Variants in PLCL2 observed in about 807,000 individuals in gnomAD.
The protein encoded by PLCL2 is inactive phospholipase C-like protein 2.
Under a neutral mutation model 79.6 loss-of-function variants are expected in PLCL2, and 4 were observed. That is an observed-to-expected ratio of 0.05 (90% CI 0.02 to 0.11). The LOEUF is 0.11. Among genes scored for constraint, PLCL2 ranks in the 10% least tolerant of loss-of-function variants. PLCL2 has a pLI of 1.00. For missense variants in PLCL2, 895 were observed against 1,291.0 expected, an observed-to-expected ratio of 0.69 and a Z score of 4.70; for synonymous variants, 484 against 457.7, an observed-to-expected ratio of 1.06 and a Z score of -0.73.
chr3:17,087,248 A>C (rs1235493710), intron 5 of PLCL2, among the ~76,000 whole-genome samples: 1 of 152,254 alleles, frequency 6.6e-6, no homozygotes, highest in African/African-American at 2.4e-5. Context: ...AAAATTTGGA[A>C]GCAACATAGA....
intron 1 of PLCL2, among the ~76,000 whole-genome samples, chr3:16,895,264 G>A (rs1007347057): frequency 4.6e-5 from 7 of 151,798 alleles, no homozygotes; most frequent in Non-Finnish European, 1.0e-4. Flanking sequence ...TTTTCTTTAT[G>A]GTTATTATTT....
At chr3:16,981,804 A>G (rs993192544) in intron 1 of PLCL2, among the ~76,000 whole-genome samples, 6 of 152,210 alleles carry the variant, frequency 3.9e-5, no homozygotes, top group Non-Finnish European at 7.3e-5. Flanking sequence ...GCTGGGTAGT[A>G]AAAGATGTGT....
intron 1 of PLCL2, among the ~76,000 whole-genome samples, chr3:16,989,017 TTCTC>T (rs60653040): frequency 0.22 from 33,696 of 151,784 alleles, 3,900 homozygotes; most frequent in Admixed American, 0.25. Flanking sequence ...GCTGTTTTTG[TTCTC>T]TCTCTCTCAC....
At chr3:16,919,733 G>T (rs548454990) in intron 1 of PLCL2, among the ~76,000 whole-genome samples, 1 of 152,174 alleles carries the variant, frequency 6.6e-6, no homozygotes, top group Admixed American at 6.5e-5. Context: ...TTTGGAGTCT[G>T]GTTGAGGGGA....
At chr3:16,906,810 TG>T (rs1696762227) in intron 1 of PLCL2, among the ~76,000 whole-genome samples, 2 of 152,232 alleles carry the variant, frequency 1.3e-5, no homozygotes, top group Non-Finnish European at 1.5e-5. Flanking sequence ...GGCAATAATT[TG>T]TGACTAGGAA....
At chr3:17,070,325 A>G (rs891598972) in intron 5 of PLCL2, among the ~76,000 whole-genome samples, 5 of 152,226 alleles carry the variant, frequency 3.3e-5, no homozygotes, top group African/African-American at 1.2e-4. Flanking sequence ...ATATTAATGA[A>G]AAACAGCTGA....
At chr3:16,964,591 C>T (rs1169266627) in intron 1 of PLCL2, among the ~76,000 whole-genome samples, 1 of 152,146 alleles carries the variant, frequency 6.6e-6, no homozygotes, top group Non-Finnish European at 1.5e-5. Flanking sequence ...TGAGGAATCC[C>T]CACACTGTCT....
At chr3:17,019,779 A>C (rs1575590224) in intron 3 of PLCL2, among the ~76,000 whole-genome samples, 1 of 152,218 alleles carries the variant, frequency 6.6e-6, no homozygotes, top group East Asian at 1.9e-4. Flanking sequence ...ATTGTTTATA[A>C]TTTCAGAAAA....
chr3:16,954,175 G>C (rs1465269784), intron 1 of PLCL2, among the ~76,000 whole-genome samples: 4 of 151,936 alleles, frequency 2.6e-5, no homozygotes, highest in East Asian at 3.9e-4. Context: ...ATCCCTCCCC[G>C]CTCCCCCCAG....
intron 1 of PLCL2, among the ~76,000 whole-genome samples, chr3:16,899,825 T>TC (rs1258756646): frequency 7.3e-5 from 11 of 150,026 alleles, no homozygotes; most frequent in Admixed American, 2.0e-4. Flanking sequence ...CATTAAAATA[T>TC]CCCCCCCGCC....
chr3:17,010,903 A>T lies in PLCL2; in HGVS notation c.1557A>T (p.Leu519Phe), dbSNP rs759308467. ...FASEYPLILC[L>F]ENHCSIKQQK... is the part of the protein sequence containing the mutation. ...CAGAGTATCCTCTTATCTTGTGTTT[A>T]GAAAACCACTGTTCCATTAAACAAC... The change falls in exon 2 of 6, where the codon TTA (leucine) becomes TTT (phenylalanine). Residue 519 changes from leucine to phenylalanine, a missense_variant. This residue lies in a region of PLCL2 where 242 missense variants were observed against 399.5 expected (regional missense o/e 0.61). Coordinates refer to ENST00000615277, the MANE Select transcript of PLCL2 (RefSeq NM_001144382.2). The surrounding 1 kb of genome is among the most constrained non-coding windows in gnomAD (Gnocchi z 5.8). 1.2e-6 allele frequency: 2 copies of T among 1,614,148 alleles called. No homozygotes were observed. Among genetic ancestry groups the T allele is most frequent in the East Asian group, 4.5e-5 (2 of 44,874 alleles).
chr3:17,039,873 A>G (rs550874136), intron 3 of PLCL2, among the ~76,000 whole-genome samples: 3 of 152,186 alleles, frequency 2.0e-5, no homozygotes, highest in Non-Finnish European at 4.4e-5. Flanking sequence ...ATTCACTGTC[A>G]TTATCAGCAG....
chr3:16,993,438 C>T (rs1302677633), intron 1 of PLCL2, among the ~76,000 whole-genome samples: 2 of 152,174 alleles, frequency 1.3e-5, no homozygotes, highest in Non-Finnish European at 2.9e-5. Context: ...CAAAGGTCTC[C>T]TCTCTAAGTA....
chr3:16,912,246 T>A (rs1233094762), intron 1 of PLCL2, among the ~76,000 whole-genome samples: 1 of 152,164 alleles, frequency 6.6e-6, no homozygotes, highest in East Asian at 1.9e-4. Context: ...TTTTTTTTTT[T>A]AAATAGCCAA....
chr3:16,911,143 C>G (rs1696871295), intron 1 of PLCL2, among the ~76,000 whole-genome samples: 1 of 151,730 alleles, frequency 6.6e-6, no homozygotes, highest in East Asian at 1.9e-4. Flanking sequence ...ATCCCAGCTA[C>G]TCCGGAGGCT....
At chr3:17,041,284 G>T (rs1181223333) in intron 3 of PLCL2, among the ~76,000 whole-genome samples, 1 of 152,140 alleles carries the variant, frequency 6.6e-6, no homozygotes, top group African/African-American at 2.4e-5. Context: ...TCTGCCATAG[G>T]CTGTGGACTT....
chr3:16,941,481 G>A (rs1016084764), intron 1 of PLCL2, among the ~76,000 whole-genome samples: 5 of 152,128 alleles, frequency 3.3e-5, no homozygotes, highest in Non-Finnish European at 5.9e-5. Flanking sequence ...TGACAGTCAC[G>A]ACGCCCCTGT....
chr3:16,950,936 G>A (rs958530614), intron 1 of PLCL2, among the ~76,000 whole-genome samples: 1 of 152,040 alleles, frequency 6.6e-6, no homozygotes. Context: ...TTGTTCATAA[G>A]TTTGGATGAT....
intron 1 of PLCL2, among the ~76,000 whole-genome samples, chr3:16,899,590 T>A (rs1696571156): frequency 6.6e-6 from 1 of 152,130 alleles, no homozygotes; most frequent in Non-Finnish European, 1.5e-5. Flanking sequence ...TGTTTTCTCC[T>A]CTTTTTTCTG....
Sources: gnomAD v4.1 joint callset for allele counts (sites outside exome capture counted in the v4.1 genomes callset) on GRCh38, gnomAD v4.1.1 for gene constraint, gnomAD v4.1.1 regional missense constraint, Gnocchi (gnomAD v3.1) non-coding constraint, MANE v1.5 for transcripts, NCBI Gene and HGNC (gene_info 2026-07-23, HGNC 2026-07-21) for gene names.